Variants in STAU2 observed in about 807,000 individuals in gnomAD.
STAU2 encodes the protein staufen double-stranded RNA binding protein 2.
In STAU2, 20 loss-of-function variants were observed where a neutral mutation model predicts 65.9. That is an observed-to-expected ratio of 0.30 (90% CI 0.21 to 0.44). The LOEUF (loss-of-function observed/expected upper bound fraction) is 0.44. STAU2 is among the 20% of genes least tolerant of loss of function. The pLI is 1.00. For synonymous variants in STAU2, 232 were observed against 233.9 expected (o/e 0.99, Z 0.07); for missense variants, 558 against 683.9 (o/e 0.82, Z 2.05).
intron 13 of STAU2, chr8:73,550,210 T>C: frequency 1.0e-6 from 1 of 985,290 alleles, no homozygotes. Flanking sequence ...TACACAGATT[T>C]GGAAACATAT....
intron 13 of STAU2, among the ~76,000 whole-genome samples, chr8:73,500,617 C>T (rs1353336049): frequency 1.3e-5 from 2 of 151,802 alleles, no homozygotes; most frequent in Non-Finnish European, 2.9e-5. Flanking sequence ...AATGTGATTT[C>T]TGCTAGTTAT....
At chr8:73,570,899 C>T (rs1809029625) in intron 12 of STAU2, among the ~76,000 whole-genome samples, 1 of 151,922 alleles carries the variant, frequency 6.6e-6, no homozygotes, top group Non-Finnish European at 1.5e-5. Context: ...CAAGCAAATG[C>T]TGAGAGATTT....
intron 13 of STAU2, among the ~76,000 whole-genome samples, chr8:73,489,325 T>G (rs1435549261): frequency 6.6e-6 from 1 of 151,994 alleles, no homozygotes; most frequent in African/African-American, 2.4e-5. Flanking sequence ...AAAAATGCTC[T>G]TCCTGCTTCT....
rs114150497 is a variant in STAU2, at chr8:73,473,705, C to T, written c.1531-51003G>A. On this transcript the variant is annotated intron_variant, in intron 13 of 14. Coordinates refer to ENST00000524300, the MANE Select transcript of STAU2 (RefSeq NM_001164380.2). ...GTGATGCCACATGACAAGCCACTGC[C>T]TAGTCTAACACCTCCTAATACAGCA... Among the ~76,000 whole-genome samples the T allele has an allele frequency of 4.6e-3, 707 of 152,302 alleles. 7 individuals are homozygous for T. Among genetic ancestry groups the T allele is most frequent in the African/African-American group, 0.016 (661 of 41,550 alleles).
Position 73,485,252 on chromosome 8 carries a change from C to A in STAU2, c.1531-62550G>T, listed in dbSNP as rs557172218. Among the ~76,000 whole-genome samples, 3 of 148,450 alleles carry A rather than the reference C, an allele frequency of 2.0e-5. No homozygotes were observed. In the Admixed American group the frequency reaches 2.1e-4, roughly 10 times the overall value. ...AATGTGCAGTGGCACAATCATAGCT[C>A]ACTGCAGCCTTGAACTCCTGGGATC... On this transcript the variant is annotated intron_variant, in intron 13 of 14. Coordinates refer to ENST00000524300, the MANE Select transcript of STAU2 (RefSeq NM_001164380.2).
At chr8:73,562,605 ATTAGGTTCACACAAAGAAAAAC>A (rs1808312382) in intron 12 of STAU2, among the ~76,000 whole-genome samples, 1 of 152,272 alleles carries the variant, frequency 6.6e-6, no homozygotes, top group Non-Finnish European at 1.5e-5. Flanking sequence ...AAATTCAAAT[ATTAGGTTCACACAAAGAAAAAC>A]TTAAGCACAG....
intron 13 of STAU2, among the ~76,000 whole-genome samples, chr8:73,515,321 A>C (rs760030019): frequency 6.6e-6 from 1 of 152,208 alleles, no homozygotes; most frequent in Non-Finnish European, 1.5e-5. Context: ...TAAACATTTT[A>C]ACAATTGGCA....
At chr8:73,454,131 T>C (rs1818944124) in intron 13 of STAU2, among the ~76,000 whole-genome samples, 1 of 152,250 alleles carries the variant, frequency 6.6e-6, no homozygotes, top group African/African-American at 2.4e-5. Context: ...AATAAAATTA[T>C]TTCTCAATAG....
At chr8:73,450,715 A>G (rs1285851142) in intron 13 of STAU2, among the ~76,000 whole-genome samples, 2 of 152,186 alleles carry the variant, frequency 1.3e-5, no homozygotes, top group Non-Finnish European at 2.9e-5. Context: ...TCTGCCTTCA[A>G]TCTTGGGTGT....
intron 9 of STAU2, among the ~76,000 whole-genome samples, chr8:73,607,500 C>T (rs1163446448): frequency 5.9e-5 from 9 of 151,856 alleles, no homozygotes; most frequent in African/African-American, 9.7e-5. Context: ...GAGGCCGAGG[C>T]GGGCAGATCA....
intron 6 of STAU2, among the ~76,000 whole-genome samples, chr8:73,671,503 A>G (rs1295211192): frequency 6.6e-6 from 1 of 152,200 alleles, no homozygotes; most frequent in African/African-American, 2.4e-5. Context: ...ACTGTAAGAA[A>G]TTAGTACAAA....
At chr8:73,604,993 GA>G (rs202125607) in intron 9 of STAU2, among the ~76,000 whole-genome samples, 28 of 149,510 alleles carry the variant, frequency 1.9e-4, no homozygotes, top group East Asian at 1.4e-3. Flanking sequence ...TTTGAAATAG[GA>G]AAAAAAAACT....
intron 10 of STAU2, among the ~76,000 whole-genome samples, chr8:73,597,909 T>C (rs1274823420): frequency 6.6e-6 from 1 of 152,202 alleles, no homozygotes; most frequent in Non-Finnish European, 1.5e-5. Context: ...GGAAGAATTA[T>C]GCTATTCTTT....
At position 73,465,593 on chromosome 8, in the gene STAU2, C is replaced by T. The variant is rs912818371; in HGVS notation, c.1531-42891G>A. On this transcript the variant is annotated intron_variant, in intron 13 of 14. Coordinates refer to ENST00000524300, the MANE Select transcript of STAU2 (RefSeq NM_001164380.2). ...TGCTTTTATAGGAGAGTGTTTTTAACCTCTTTCTGCTCCTTTTTTGAGTTT... is the reference window on the plus strand; with the variant it reads ...TGCTTTTATAGGAGAGTGTTTTTAATCTCTTTCTGCTCCTTTTTTGAGTTT... 3.3e-5 allele frequency among the ~76,000 whole-genome samples: 5 copies of T among 152,082 alleles called. No individual in the cohort carries two copies. The South Asian group carries it at 6.2e-4, about 19-fold the overall frequency.
chr8:73,523,389 C>T (rs899491801), intron 13 of STAU2, among the ~76,000 whole-genome samples: 19 of 151,360 alleles, frequency 1.3e-4, no homozygotes, highest in African/African-American at 1.7e-4. Context: ...CATACGAGTA[C>T]GTGATAAAGC....
At chr8:73,736,628 G>A (rs568107620) in intron 3 of STAU2, among the ~76,000 whole-genome samples, 10 of 152,154 alleles carry the variant, frequency 6.6e-5, no homozygotes, top group African/African-American at 2.4e-4. Flanking sequence ...GAACTGAAAC[G>A]GTCCAGTAAA....
intron 4 of STAU2, among the ~76,000 whole-genome samples, chr8:73,703,200 G>C (rs935519121): frequency 1.3e-5 from 2 of 152,164 alleles, no homozygotes; most frequent in Admixed American, 6.5e-5. Context: ...CTCATGAATG[G>C]TTTAGCGCCA....
chr8:73,571,190 A>G (rs1474268632), intron 12 of STAU2, among the ~76,000 whole-genome samples: 1 of 152,242 alleles, frequency 6.6e-6, no homozygotes, highest in Non-Finnish European at 1.5e-5. Context: ...CAACAAGAAG[A>G]GCTAACTATC....
At chr8:73,485,583 GCTCAGACCCGTAATCTCAGCA>G (rs1331451726) in intron 13 of STAU2, among the ~76,000 whole-genome samples, 1 of 152,074 alleles carries the variant, frequency 6.6e-6, no homozygotes, top group African/African-American at 2.4e-5. Flanking sequence ...AAGCTCGGTA[GCTCAGACCCGTAATCTCAGCA>G]CTTTGGGAGG....
Sources: allele counts gnomAD v4.1 joint callset (sites outside exome capture counted in the v4.1 genomes callset), GRCh38; gene constraint gnomAD v4.1.1; transcripts MANE v1.5; gene names NCBI Gene and HGNC (gene_info 2026-07-23, HGNC 2026-07-21).